Variants in KAT6B observed in about 807,000 individuals in gnomAD.
KAT6B encodes histone acetyltransferase KAT6B.
A neutral mutation model predicts 187.5 loss-of-function variants in KAT6B; 10 were observed. That is an observed-to-expected ratio of 0.05 (90% CI 0.03 to 0.09). The LOEUF is 0.09. Ranked by LOEUF, KAT6B falls within the 10% of genes least tolerant of loss-of-function variation. The probability of loss-of-function intolerance (pLI) is 1.00; values close to 1 mark genes in which losing one functional copy is unlikely to be tolerated. For missense variants in KAT6B, 1,952 were observed against 2,558.9 expected (o/e 0.76, Z 5.12); for synonymous variants, 861 against 926.8 (o/e 0.93, Z 1.29).
chr10:74,915,523 T>C (rs1392423239), intron 3 of KAT6B, among the ~76,000 whole-genome samples: 1 of 152,244 alleles, frequency 6.6e-6, no homozygotes, highest in Non-Finnish European at 1.5e-5. Flanking sequence ...CATTCTGTTT[T>C]TCATTGACAT....
At chr10:74,987,883 A>C (rs1417506103) in intron 12 of KAT6B, among the ~76,000 whole-genome samples, 1 of 152,218 alleles carries the variant, frequency 6.6e-6, no homozygotes, top group Non-Finnish European at 1.5e-5. Context: ...AAAACAGACG[A>C]ATTACTTGAA....
At chr10:74,851,721 C>T (rs568190269) in intron 3 of KAT6B, among the ~76,000 whole-genome samples, 1 of 152,208 alleles carries the variant, frequency 6.6e-6, no homozygotes, top group South Asian at 2.1e-4. Flanking sequence ...TTGGCTTATT[C>T]AGTTGTTTAT....
intron 3 of KAT6B, among the ~76,000 whole-genome samples, chr10:74,942,470 A>C (rs558177803): frequency 6.6e-6 from 1 of 152,112 alleles, no homozygotes; most frequent in African/African-American, 2.4e-5. Context: ...AGACATTTAT[A>C]AAAAGCCATA....
chr10:74,942,378 C>T (rs907820204), intron 3 of KAT6B, among the ~76,000 whole-genome samples: 3 of 151,878 alleles, frequency 2.0e-5, no homozygotes, highest in Non-Finnish European at 4.4e-5. Context: ...TAAGGAAAAA[C>T]AATCAACAAA....
At chr10:74,929,633 G>C (rs1288862924) in intron 3 of KAT6B, among the ~76,000 whole-genome samples, 1 of 152,196 alleles carries the variant, frequency 6.6e-6, no homozygotes, top group African/African-American at 2.4e-5. Context: ...ATAACTTGCT[G>C]TGGTTAATTA....
At chr10:74,947,995 C>G (rs780358857) in intron 3 of KAT6B, among the ~76,000 whole-genome samples, 6 of 152,150 alleles carry the variant, frequency 3.9e-5, no homozygotes, top group Admixed American at 1.3e-4. Context: ...CAAAGGGGGT[C>G]TAAGAATGAG....
chr10:74,837,624 G>C (rs1841400640), intron 1 of KAT6B, among the ~76,000 whole-genome samples: 1 of 151,616 alleles, frequency 6.6e-6, no homozygotes, highest in African/African-American at 2.4e-5. Flanking sequence ...CTGTGGATTT[G>C]TCTTTCCAGT....
In KAT6B at chr10:74,912,813, A is replaced by C. The variant is rs74989386; in HGVS notation, c.622-47157A>C. 3.5e-3 allele frequency among the ~76,000 whole-genome samples: 538 copies of C among 152,200 alleles called. 1 individual carries two copies. Among genetic ancestry groups the C allele is most frequent in the Non-Finnish European group, 6.0e-3 (408 of 67,990 alleles). On this transcript the variant is annotated intron_variant, in intron 3 of 17. Transcript: ENST00000287239. ...ATAGTCAAGCTAATGACCCATGTAGATGTAGTGTTGTACCTGGTGTCCGTG... is the reference window on the plus strand; with the variant it reads ...ATAGTCAAGCTAATGACCCATGTAGCTGTAGTGTTGTACCTGGTGTCCGTG...
At position 75,030,339 on chromosome 10, in the gene KAT6B, G is replaced by A; in HGVS notation, c.5515G>A (p.Ala1839Thr). The A allele has an allele frequency of 6.2e-7, 1 of 1,614,180 alleles. No homozygotes were observed. The highest frequency in any genetic ancestry group is 8.5e-7 in the Non-Finnish European group (1 of 1,180,048). ...DHSLPYSHSA[A>T]VTSYANSASL... is the part of the protein sequence containing the mutation. ...TTCATTGCCTTACAGCCATTCCGCT[G>A]CTGTGACTTCCTATGCAAACAGTGC... The change falls in exon 18 of 18, where the codon GCT (alanine) becomes ACT (threonine). Residue 1839 changes from alanine to threonine, a missense_variant. Ala to Thr is a moderately conservative substitution (Grantham distance 58, BLOSUM62 0). Transcript: ENST00000287239. This position sits in a 1 kb window ranked among gnomAD's most constrained non-coding sequence, Gnocchi z 4.8.
intron 3 of KAT6B, among the ~76,000 whole-genome samples, chr10:74,929,248 C>G (rs1052338632): frequency 1.7e-4 from 26 of 152,050 alleles, no homozygotes; most frequent in Admixed American, 1.4e-3. Context: ...ATTTTCTAAT[C>G]AGAATGTCTG....
intron 3 of KAT6B, among the ~76,000 whole-genome samples, chr10:74,852,001 G>A (rs947724839): frequency 1.3e-5 from 2 of 152,152 alleles, no homozygotes; most frequent in South Asian, 4.1e-4. Context: ...TGTACTTTAT[G>A]AAGGACTATT....
intron 3 of KAT6B, among the ~76,000 whole-genome samples, chr10:74,850,340 A>G (rs545720881): frequency 1.1e-4 from 17 of 152,244 alleles, no homozygotes; most frequent in Non-Finnish European, 2.4e-4. Flanking sequence ...GATACTATTT[A>G]TAATATTAGC....
In KAT6B at chr10:75,029,274, T is replaced by G. The variant is rs1846127271; in HGVS notation, c.4450T>G (p.Ser1484Ala). The G allele has an allele frequency of 1.9e-6, 3 of 1,613,958 alleles. No individual in the cohort carries two copies. The change falls in exon 18 of 18, where the codon TCT (serine) becomes GCT (alanine). Residue 1484 changes from serine (S) to alanine (A), a missense_variant. Physicochemically the swap from Ser to Ala is moderately conservative, Grantham distance 99 (BLOSUM62 1). Coordinates refer to ENST00000287239, the MANE Select transcript of KAT6B (RefSeq NM_012330.4). The surrounding 1 kb of genome is among the most constrained non-coding windows in gnomAD (Gnocchi z 6.2). ...LMDCGVDLTA[S>A]CNSEPKELAG... ...GGACTGTGGCGTCGACCTGACAGCT[T>G]CTTGTAACAGTGAGCCCAAGGAGCT...
intron 3 of KAT6B, among the ~76,000 whole-genome samples, chr10:74,930,505 A>G (rs928341428): frequency 3.3e-5 from 5 of 152,204 alleles, no homozygotes; most frequent in Admixed American, 1.3e-4. Flanking sequence ...TATGTATTTG[A>G]GTAGAAATCT....
At chr10:74,907,498 A>G (rs1314712483) in intron 3 of KAT6B, among the ~76,000 whole-genome samples, 1 of 152,080 alleles carries the variant, frequency 6.6e-6, no homozygotes, top group Non-Finnish European at 1.5e-5. Context: ...CATTTGCTTC[A>G]TGTGACTTTT....
At chr10:74,845,778 C>T (rs1007698230) in intron 3 of KAT6B, among the ~76,000 whole-genome samples, 43 of 150,276 alleles carry the variant, frequency 2.9e-4, no homozygotes, top group African/African-American at 1.0e-3. Flanking sequence ...GTTTGGATAC[C>T]ATGAACCCTT....
intron 3 of KAT6B, among the ~76,000 whole-genome samples, chr10:74,940,002 C>A (rs1232096005): frequency 6.6e-6 from 1 of 152,048 alleles, no homozygotes; most frequent in East Asian, 1.9e-4. Flanking sequence ...ACTGCTGCAA[C>A]TTCTTTTTTT....
upstream of KAT6B, among the ~76,000 whole-genome samples, chr10:74,825,411 G>T (rs1840112810): frequency 6.7e-6 from 1 of 150,082 alleles, no homozygotes; most frequent in Non-Finnish European, 1.5e-5. The surrounding 1 kb of genome is among the most constrained non-coding windows in gnomAD (Gnocchi z 5.0). Context: ...TGCGCCCCCG[G>T]CCAGGCCGGG....
intron 3 of KAT6B, among the ~76,000 whole-genome samples, chr10:74,848,579 A>C (rs779266984): frequency 6.6e-6 from 1 of 151,248 alleles, no homozygotes; most frequent in Non-Finnish European, 1.5e-5. Context: ...TTTTAAGCTC[A>C]CTAGCTATTG....
Sources: allele counts gnomAD v4.1 joint callset (sites outside exome capture counted in the v4.1 genomes callset), GRCh38; gene constraint gnomAD v4.1.1; non-coding constraint Gnocchi (gnomAD v3.1); transcripts MANE v1.5; gene names NCBI Gene and HGNC (gene_info 2026-07-23, HGNC 2026-07-21).